DLG2: variants seen among roughly 807,000 people sequenced by gnomAD.
DLG2 encodes discs large MAGUK scaffold protein 2.
DLG2 carries 45 observed loss-of-function variants against 132.5 expected under a neutral mutation model. That is an observed-to-expected ratio of 0.34 (90% CI 0.27 to 0.44). The LOEUF (loss-of-function observed/expected upper bound fraction) is 0.44. DLG2 is among the 20% of genes least tolerant of loss of function. The pLI is 1.00. For synonymous variants in DLG2, 424 were observed against 419.6 expected (o/e 1.01, Z -0.13); for missense variants, 1,045 against 1,196.9 (o/e 0.87, Z 1.87).
chr11:84,194,972 C>T (rs2096488075), intron 8 of DLG2, among the ~76,000 whole-genome samples: 2 of 152,158 alleles, frequency 1.3e-5, no homozygotes, highest in Non-Finnish European at 2.9e-5. Flanking sequence ...CCTCTCCCTC[C>T]ACACCTCCCT....
chr11:84,721,609 A>C (rs1377327409), intron 6 of DLG2, among the ~76,000 whole-genome samples: 1 of 151,990 alleles, frequency 6.6e-6, no homozygotes, highest in Non-Finnish European at 1.5e-5. Context: ...TATGGAAGAC[A>C]AAAACAAATG....
At chr11:84,003,743 T>A (rs1387334468) in intron 11 of DLG2, among the ~76,000 whole-genome samples, 1 of 152,060 alleles carries the variant, frequency 6.6e-6, no homozygotes, top group Admixed American at 6.6e-5. Flanking sequence ...ATATGAGATT[T>A]GAGTGGGGAC....
At chr11:84,526,848 G>A (rs1425361353) in intron 7 of DLG2, among the ~76,000 whole-genome samples, 1 of 141,786 alleles carries the variant, frequency 7.1e-6, no homozygotes, top group African/African-American at 2.6e-5. Context: ...GCGCAATCTC[G>A]GCTCACTGCA....
intron 7 of DLG2, among the ~76,000 whole-genome samples, chr11:84,382,870 A>C (rs1601099355): frequency 1.5e-5 from 2 of 137,320 alleles, no homozygotes; most frequent in African/African-American, 6.4e-5. Flanking sequence ...AGACTCCGTC[A>C]CAAAAAAAAA....
Position 83,963,020 on chromosome 11 carries a change from T to A in DLG2, c.1205A>T (p.Tyr402Phe). Residue 402 changes from tyrosine (Y) to phenylalanine (F), a missense_variant, in exon 14 of 28, where the codon TAT becomes TTT. By Grantham distance (22) the Tyr-to-Phe change is conservative. Coordinates refer to ENST00000376104, the MANE Select transcript of DLG2 (RefSeq NM_001142699.3). ...PYGPPDITHS[Y>F]SPPMENHLLS... ...TAGATGGTTTTCCATTGGTGGAGAA[T>A]AAGCTAAGAGGTGGGGGAAAAAGAG... 1 of 1,612,604 alleles carries A rather than the reference T, an allele frequency of 6.2e-7. No homozygotes were observed.
intron 6 of DLG2, among the ~76,000 whole-genome samples, chr11:84,657,817 A>G (rs1427827999): frequency 2.6e-5 from 4 of 152,216 alleles, no homozygotes; most frequent in African/African-American, 9.6e-5. Context: ...TACTGCTCGC[A>G]GTCAAAATTT....
At chr11:84,582,398 CTCTTTTAAGTTA>C (rs2099518655) in intron 6 of DLG2, among the ~76,000 whole-genome samples, 1 of 148,716 alleles carries the variant, frequency 6.7e-6, no homozygotes, top group Admixed American at 6.8e-5. Context: ...TTAGGGAAAA[CTCTTTTAAGTTA>C]AAATACATAT....
intron 7 of DLG2, among the ~76,000 whole-genome samples, chr11:84,484,699 T>A (rs2099146521): frequency 6.6e-6 from 1 of 152,102 alleles, no homozygotes; most frequent in African/African-American, 2.4e-5. Flanking sequence ...AATTAAGAGT[T>A]TTTGAACTTG....
intron 3 of DLG2, among the ~76,000 whole-genome samples, chr11:85,331,203 G>C (rs552648896): frequency 4.6e-4 from 70 of 152,220 alleles, no homozygotes; most frequent in African/African-American, 1.5e-3. Flanking sequence ...CATGTGGCAT[G>C]GGTTTCAACT....
At chr11:84,666,545 A>G (rs994967473) in intron 6 of DLG2, among the ~76,000 whole-genome samples, 68 of 151,930 alleles carry the variant, frequency 4.5e-4, no homozygotes, top group Admixed American at 4.5e-3. Context: ...GAAGTCTGAC[A>G]CTTACAGGAA....
intron 7 of DLG2, among the ~76,000 whole-genome samples, chr11:84,449,307 T>G (rs1281040274): frequency 6.6e-6 from 1 of 151,902 alleles, no homozygotes; most frequent in Non-Finnish European, 1.5e-5. Flanking sequence ...AATCATTTCA[T>G]TTTCCATCCT....
At chr11:83,784,871 C>T (rs553528993) in intron 18 of DLG2, among the ~76,000 whole-genome samples, 129 of 151,974 alleles carry the variant, frequency 8.5e-4, no homozygotes, top group African/African-American at 3.1e-3. Context: ...TTTTCAGAAA[C>T]AGGAAAATGG....
At chr11:83,590,697 C>T (rs2097173000) in intron 19 of DLG2, among the ~76,000 whole-genome samples, 2 of 152,142 alleles carry the variant, frequency 1.3e-5, no homozygotes, top group East Asian at 1.9e-4. Flanking sequence ...TTAATGAATC[C>T]AGGAGCTGGT....
chr11:83,521,310 A>C (rs1221530850), intron 21 of DLG2, among the ~76,000 whole-genome samples: 3 of 152,224 alleles, frequency 2.0e-5, no homozygotes, highest in Non-Finnish European at 2.9e-5. Context: ...CTGGGGGAGA[A>C]GTGGATTTAT....
intron 7 of DLG2, among the ~76,000 whole-genome samples, chr11:84,285,477 T>C (rs889400336): frequency 6.6e-6 from 1 of 152,188 alleles, no homozygotes; most frequent in African/African-American, 2.4e-5. Flanking sequence ...CAAATGCCAG[T>C]TCTTCTGCCT....
At chr11:84,441,158 C>G (rs867235359) in intron 7 of DLG2, among the ~76,000 whole-genome samples, 3 of 106,734 alleles carry the variant, frequency 2.8e-5, no homozygotes, top group South Asian at 6.2e-4. Flanking sequence ...ATTATTATTA[C>G]TATTTTGAGA....
At chr11:84,995,544 T>C (rs1190999566) in intron 6 of DLG2, among the ~76,000 whole-genome samples, 1 of 152,204 alleles carries the variant, frequency 6.6e-6, no homozygotes, top group Non-Finnish European at 1.5e-5. Flanking sequence ...TGTTGCCACT[T>C]CAACTCCATC....
chr11:84,397,604 T>A (rs576491081), intron 7 of DLG2, among the ~76,000 whole-genome samples: 1 of 152,286 alleles, frequency 6.6e-6, no homozygotes, highest in Admixed American at 6.5e-5. Flanking sequence ...GTGACAAAAA[T>A]GGAAGGAGCA....
chr11:83,651,857 G>T, intron 18 of DLG2: 1 of 471,138 alleles, frequency 2.1e-6, no homozygotes, highest in Non-Finnish European at 4.4e-6. Flanking sequence ...GAGCTACGAA[G>T]GTCACATTGG....
Sources: gnomAD v4.1 joint callset for allele counts (sites outside exome capture counted in the v4.1 genomes callset) on GRCh38, gnomAD v4.1.1 for gene constraint, MANE v1.5 for transcripts, NCBI Gene and HGNC (gene_info 2026-07-23, HGNC 2026-07-21) for gene names.